USP32: variants seen among roughly 807,000 people sequenced by gnomAD.
USP32 encodes ubiquitin carboxyl-terminal hydrolase 32.
A neutral mutation model predicts 204.8 loss-of-function variants in USP32; 59 were observed. The ratio of observed to expected loss-of-function variants is 0.29; its 90% CI spans 0.23 to 0.36. The LOEUF is 0.36. Among genes scored for constraint, USP32 ranks in the 10% least tolerant of loss-of-function variants. The probability of loss-of-function intolerance (pLI) is 1.00; values close to 1 mark genes in which losing one functional copy is unlikely to be tolerated. For synonymous variants in USP32, 517 were observed against 678.4 expected (o/e 0.76, Z 3.70); for missense variants, 1,160 against 1,946.4 (o/e 0.60, Z 7.60).
intron 1 of USP32, among the ~76,000 whole-genome samples, chr17:60,387,753 T>C (rs557034444): frequency 6.6e-6 from 1 of 152,340 alleles, no homozygotes; most frequent in East Asian, 1.9e-4. Context: ...CCAAATTTAC[T>C]GAACATAACT....
At chr17:60,407,107 G>T (rs2089981782) in intron 1 of USP32, among the ~76,000 whole-genome samples, 1 of 152,136 alleles carries the variant, frequency 6.6e-6, no homozygotes, top group South Asian at 2.1e-4. Context: ...TTGCCTAGGG[G>T]TGCAATCTGG....
intron 1 of USP32, among the ~76,000 whole-genome samples, chr17:60,355,887 T>TTAA (rs777705136): frequency 5.8e-5 from 3 of 51,506 alleles, no homozygotes. Context: ...TGAACCTCTG[T>TTAA]AAAAAAAAAA....
At chr17:60,290,151 C>T (rs927160612) in intron 4 of USP32, among the ~76,000 whole-genome samples, 2 of 152,166 alleles carry the variant, frequency 1.3e-5, no homozygotes, top group African/African-American at 4.8e-5. Flanking sequence ...AGTCCAGCTG[C>T]TGAGATGACT....
In USP32 at chr17:60,178,162, TTCATTAAATACAC is replaced by T. The variant is rs1456892386; in HGVS notation, c.*1080_*1092del. Among the ~76,000 whole-genome samples the T allele has an allele frequency of 3.3e-5, 5 of 152,190 alleles. No homozygotes were observed. The highest frequency in any genetic ancestry group is 1.5e-5 in the Non-Finnish European group (1 of 68,020). On this transcript the variant is annotated 3_prime_UTR_variant, in exon 34 of 34. Coordinates refer to ENST00000300896, the MANE Select transcript of USP32 (RefSeq NM_032582.4). ...AAGTTGACTTCCTAAAACCACCAAT[TTCATTAAATACAC>T]TTATGAACTCCTAATGTCTGGGATG...
intron 4 of USP32, among the ~76,000 whole-genome samples, chr17:60,293,689 C>G (rs2087345434): frequency 6.6e-6 from 1 of 152,112 alleles, no homozygotes; most frequent in South Asian, 2.1e-4. Context: ...ATAGGCAGTC[C>G]AAAGATATAT....
At chr17:60,421,639 A>G in intron 1 of USP32, 1 of 956,116 alleles carries the variant, frequency 1.0e-6, no homozygotes, top group Non-Finnish European at 1.2e-6. Flanking sequence ...TGTGCCGCCC[A>G]GGGACGCGAG....
chr17:60,288,433 A>G, intron 5 of USP32, 90 bp downstream of exon 5: 2 of 1,417,562 alleles, frequency 1.4e-6, no homozygotes, highest in Non-Finnish European at 1.9e-6. Flanking sequence ...ATTTAAATAA[A>G]TTTCTCCTTT....
chr17:60,327,847 C>T (rs1347814924), intron 2 of USP32, among the ~76,000 whole-genome samples: 2 of 152,242 alleles, frequency 1.3e-5, no homozygotes, highest in East Asian at 3.9e-4. Flanking sequence ...ACTGTCACAG[C>T]CCGGCCAGGT....
intron 29 of USP32, among the ~76,000 whole-genome samples, chr17:60,189,217 T>C (rs2084319237): frequency 6.6e-6 from 1 of 152,240 alleles, no homozygotes; most frequent in Admixed American, 6.5e-5. Flanking sequence ...TAGTGATCTT[T>C]CATTTGACAA....
chr17:60,225,281 T>C (rs2085354125), intron 13 of USP32, among the ~76,000 whole-genome samples: 1 of 151,750 alleles, frequency 6.6e-6, no homozygotes, highest in African/African-American at 2.4e-5. Flanking sequence ...GGCAAAACCC[T>C]ATCCCTAAAA....
intron 1 of USP32, among the ~76,000 whole-genome samples, chr17:60,347,801 G>A (rs1056856955): frequency 1.3e-5 from 2 of 151,122 alleles, no homozygotes; most frequent in African/African-American, 4.9e-5. Flanking sequence ...CAAGGATTAT[G>A]TTATTATGTA....
At chr17:60,233,583 G>T (rs2085632305) in intron 12 of USP32, among the ~76,000 whole-genome samples, 1 of 152,158 alleles carries the variant, frequency 6.6e-6, no homozygotes, top group Non-Finnish European at 1.5e-5. Context: ...ACAAGGCCCA[G>T]AATGTCACTT....
intron 11 of USP32, among the ~76,000 whole-genome samples, chr17:60,242,985 A>G (rs2085918697): frequency 6.6e-6 from 1 of 152,232 alleles, no homozygotes; most frequent in Non-Finnish European, 1.5e-5. Flanking sequence ...TATTGACAAC[A>G]ATAAGTTTTC....
intron 1 of USP32, among the ~76,000 whole-genome samples, chr17:60,364,061 G>A (rs1241109523): frequency 1.3e-5 from 2 of 152,120 alleles, no homozygotes; most frequent in Non-Finnish European, 2.9e-5. Flanking sequence ...GAAATTTACT[G>A]CTCACAGCTC....
chr17:60,409,291 T>C lies in USP32; in HGVS notation c.106+12955A>G, dbSNP rs1179273764. On this transcript the variant is annotated intron_variant, in intron 1 of 3. Coordinates refer to the USP32 transcript ENST00000588898. ...TGAACCTAGGAGGCGGAGGTTGCAG[T>C]GAGCCGAAATCATGCCACAGCATTC... Among the ~76,000 whole-genome samples the C allele has an allele frequency of 3.3e-5, 5 of 152,300 alleles. No homozygotes were observed. In the East Asian group the frequency reaches 9.6e-4, roughly 29 times the overall value.
At chr17:60,404,087 C>T (rs748580586) in intron 1 of USP32, among the ~76,000 whole-genome samples, 54 of 151,314 alleles carry the variant, frequency 3.6e-4, no homozygotes, top group Non-Finnish European at 6.8e-4. Context: ...AAGAAATATG[C>T]GCACACACAC....
chr17:60,263,810 T>C (rs2086515732), intron 9 of USP32, among the ~76,000 whole-genome samples: 1 of 152,248 alleles, frequency 6.6e-6, no homozygotes, highest in Admixed American at 6.5e-5. Context: ...TATTTGTTTC[T>C]ATTGAGAATC....
intron 11 of USP32, among the ~76,000 whole-genome samples, chr17:60,251,869 A>C (rs999001191): frequency 6.6e-6 from 1 of 152,088 alleles, no homozygotes; most frequent in African/African-American, 2.4e-5. Flanking sequence ...AGAAGGCTTT[A>C]TTCTAATATA....
At chr17:60,190,243 C>G (rs540341630) in intron 29 of USP32, among the ~76,000 whole-genome samples, 6 of 152,304 alleles carry the variant, frequency 3.9e-5, no homozygotes, top group African/African-American at 1.4e-4. Flanking sequence ...TTGCCAGAAG[C>G]CAGGACCATG....
Sources: allele counts gnomAD v4.1 joint callset (sites outside exome capture counted in the v4.1 genomes callset), GRCh38; gene constraint gnomAD v4.1.1; transcripts MANE v1.5; gene names NCBI Gene and HGNC (gene_info 2026-07-23, HGNC 2026-07-21).